Variants in GSE1 observed in about 807,000 individuals in gnomAD.
GSE1 encodes the protein Gse1 coiled-coil protein.
In GSE1, 32 loss-of-function variants were observed where a neutral mutation model predicts 112.6. That is an observed-to-expected ratio of 0.28 (90% CI 0.21 to 0.38). The LOEUF (loss-of-function observed/expected upper bound fraction) is 0.38, where lower values mean the gene tolerates loss of function less well. Among genes scored for constraint, GSE1 ranks in the 10% least tolerant of loss-of-function variants. The probability of loss-of-function intolerance (pLI) is 1.00; values close to 1 mark genes in which losing one functional copy is unlikely to be tolerated. For missense variants in GSE1, 2,348 were observed against 1,699.2 expected, an observed-to-expected ratio of 1.38 and a Z score of -6.71; for synonymous variants, 1,115 against 735.6, an observed-to-expected ratio of 1.52 and a Z score of -8.35.
At chr16:85,536,501 G>A (rs2044332624) in intron 2 of GSE1, among the ~76,000 whole-genome samples, 1 of 152,208 alleles carries the variant, frequency 6.6e-6, no homozygotes, top group Non-Finnish European at 1.5e-5. Context: ...CGCGGGCAGG[G>A]CTCGTCTAGC....
chr16:85,273,743 G>A (rs1909082184), intron 1 of GSE1, among the ~76,000 whole-genome samples: 1 of 152,054 alleles, frequency 6.6e-6, no homozygotes, highest in South Asian at 2.1e-4. Flanking sequence ...AGTCTGGAGT[G>A]CAGTGGTGCG....
chr16:85,232,021 G>A (rs756351475), intron 1 of GSE1, among the ~76,000 whole-genome samples: 3 of 152,206 alleles, frequency 2.0e-5, no homozygotes, highest in African/African-American at 4.8e-5. Context: ...CAGGCCTCAG[G>A]GGACCTGGGC....
chr16:85,472,342 T>A (rs895232854), intron 2 of GSE1, among the ~76,000 whole-genome samples: 2 of 152,212 alleles, frequency 1.3e-5, no homozygotes, highest in African/African-American at 2.4e-5. Flanking sequence ...TTCCTGCCTC[T>A]TCCAGCCTCT....
At chr16:85,411,707 C>T (rs1049565674) in intron 2 of GSE1, among the ~76,000 whole-genome samples, 51 of 30,252 alleles carry the variant, frequency 1.7e-3, no homozygotes, top group Non-Finnish European at 2.9e-3. Flanking sequence ...ACACTCAGGG[C>T]CCCCCGGATA....
intron 1 of GSE1, among the ~76,000 whole-genome samples, chr16:85,606,057 C>G (rs1175534719): frequency 9.2e-5 from 14 of 152,208 alleles, no homozygotes; most frequent in Admixed American, 9.2e-4. Context: ...AGCCCCTGCC[C>G]TCCTTCTCAC....
intron 1 of GSE1, among the ~76,000 whole-genome samples, chr16:85,260,319 CTTTTTT>C (rs111292010): frequency 5.3e-5 from 5 of 94,870 alleles, no homozygotes; most frequent in East Asian, 3.1e-4. Flanking sequence ...TTTTTCTTTT[CTTTTTT>C]TTTTTTTTTT....
chr16:85,524,254 G>T (rs182254268), intron 2 of GSE1, among the ~76,000 whole-genome samples: 2 of 152,266 alleles, frequency 1.3e-5, no homozygotes, highest in South Asian at 4.1e-4. Context: ...GCGGGGTGGC[G>T]GGGATGGTAA....
intron 7 of GSE1, 44 bp downstream of exon 7, chr16:85,656,709 C>T (rs1567738280): frequency 2.8e-6 from 4 of 1,450,422 alleles, no homozygotes; most frequent in South Asian, 2.9e-5. Flanking sequence ...GTCTCAGCCA[C>T]CCGCGGGGAG....
intron 1 of GSE1, among the ~76,000 whole-genome samples, chr16:85,569,481 G>A (rs1441414931): frequency 6.6e-6 from 1 of 152,216 alleles, no homozygotes; most frequent in Non-Finnish European, 1.5e-5. Context: ...AAATGTGGAG[G>A]ATAATTTTCC....
intron 2 of GSE1, among the ~76,000 whole-genome samples, chr16:85,420,351 G>A (rs1052156548): frequency 4.6e-5 from 7 of 152,138 alleles, no homozygotes; most frequent in South Asian, 2.1e-4. Context: ...GGATCGTGAG[G>A]GAACGTACTT....
At chr16:85,505,977 A>G (rs60802821) in intron 2 of GSE1, among the ~76,000 whole-genome samples, 23,143 of 151,892 alleles carry the variant, frequency 0.15, 2,140 homozygotes, top group East Asian at 0.31. Context: ...AAAAAAAAAA[A>G]AAGACCTGGT....
chr16:85,519,813 C>T (rs990342941), intron 2 of GSE1, among the ~76,000 whole-genome samples: 20 of 152,222 alleles, frequency 1.3e-4, no homozygotes, highest in Admixed American at 1.1e-3. Flanking sequence ...TCACTGTCAT[C>T]GTCATTCATG....
At chr16:85,384,145 C>G (rs979433612) in intron 2 of GSE1, among the ~76,000 whole-genome samples, 1 of 152,230 alleles carries the variant, frequency 6.6e-6, no homozygotes, top group Non-Finnish European at 1.5e-5. Context: ...CAGGGGGGCA[C>G]AGACTCAAAG....
At chr16:85,616,865 A>T (rs1243967769) in intron 1 of GSE1, among the ~76,000 whole-genome samples, 1 of 152,014 alleles carries the variant, frequency 6.6e-6, no homozygotes, top group African/African-American at 2.4e-5. Flanking sequence ...CCTCCTCTGA[A>T]TCCAGCCGTG....
chr16:85,600,587 AACAC>A (rs771929185), intron 1 of GSE1, among the ~76,000 whole-genome samples: 2,997 of 146,540 alleles, frequency 0.02, 85 homozygotes, highest in African/African-American at 0.066. Context: ...ACACACCCCA[AACAC>A]ACACACACAC....
chr16:85,175,515 G>C (rs1218505112), intron 1 of GSE1, among the ~76,000 whole-genome samples: 2 of 152,246 alleles, frequency 1.3e-5, no homozygotes, highest in Non-Finnish European at 2.9e-5. Flanking sequence ...AGCCGGCCTG[G>C]GTGAGAGCGC....
At chr16:85,393,817 G>GC (rs2047903354) in intron 2 of GSE1, among the ~76,000 whole-genome samples, 1 of 152,228 alleles carries the variant, frequency 6.6e-6, no homozygotes, top group South Asian at 2.1e-4. Flanking sequence ...TGGTGGCTGG[G>GC]CTGGGCTGAG....
intron 2 of GSE1, among the ~76,000 whole-genome samples, chr16:85,413,963 G>A (rs972591553): frequency 2.6e-5 from 4 of 152,210 alleles, no homozygotes; most frequent in African/African-American, 9.6e-5. Flanking sequence ...GTCTTGTGAA[G>A]AGGGCACCTT....
At chr16:85,622,960 C>G (rs1014910020) in intron 1 of GSE1, among the ~76,000 whole-genome samples, 23 of 152,064 alleles carry the variant, frequency 1.5e-4, no homozygotes, top group African/African-American at 5.3e-4. Flanking sequence ...AGCTGGCTGG[C>G]CTGAGACCAT....
Sources: allele counts gnomAD v4.1 joint callset (sites outside exome capture counted in the v4.1 genomes callset), GRCh38; gene constraint gnomAD v4.1.1; transcripts MANE v1.5; gene names NCBI Gene and HGNC (gene_info 2026-07-23, HGNC 2026-07-21).